The following ZAP70 variants were observed in gnomAD, a reference collection of about 807,000 sequenced individuals.
ZAP70 encodes the protein zeta chain of T cell receptor associated protein kinase 70.
In ZAP70, 27 loss-of-function variants were observed where a neutral mutation model predicts 65.8. The ratio of observed to expected loss-of-function variants is 0.41; its 90% CI spans 0.30 to 0.57. The LOEUF is 0.57. ZAP70 is among the 20% of genes least tolerant of loss of function. The pLI is 0.28. For missense variants in ZAP70, 696 were observed against 870.5 expected (o/e 0.80, Z 2.52); for synonymous variants, 363 against 360.8 (o/e 1.01, Z -0.07).
chr2:97,732,159 G>C (rs1677637213), intron 4 of ZAP70, among the ~76,000 whole-genome samples: 1 of 152,176 alleles, frequency 6.6e-6, no homozygotes, highest in Non-Finnish European at 1.5e-5. Flanking sequence ...TCCCATCATA[G>C]ACATGGAAGA....
At chr2:97,718,276 T>C (rs1677022769) in intron 2 of ZAP70, among the ~76,000 whole-genome samples, 1 of 151,948 alleles carries the variant, frequency 6.6e-6, no homozygotes, top group South Asian at 2.1e-4. Context: ...GGGTCTGGGG[T>C]CACCCCGGGG....
chr2:97,733,227 C>T lies in ZAP70; in HGVS notation c.790+15C>T, dbSNP rs373266022. The stretch of plus-strand genomic sequence containing the variant: ...CAACGCCTCAGGTGACGGCAGCAGG[C>T]GGGCGGGCGGTGGGCGGGGGCGGCA... On this transcript the variant is annotated intron_variant, in intron 6 of 13. Coordinates refer to ENST00000264972, the MANE Select transcript of ZAP70 (RefSeq NM_001079.4). 50 of 1,611,304 alleles carry T rather than the reference C, an allele frequency of 3.1e-5. No individual in the cohort carries two copies. Among genetic ancestry groups the T allele is most frequent in the African/African-American group, 1.3e-4 (10 of 75,018 alleles).
chr2:97,755,786 T>TACA, the ZAP70 span, among the ~76,000 whole-genome samples: 1 of 152,220 alleles, frequency 6.6e-6, no homozygotes, highest in Non-Finnish European at 1.5e-5. Context: ...CCTCTCACCA[T>TACA]ACAACTTCCT....
In ZAP70 at chr2:97,737,925, G is replaced by A. The variant is rs887697939; in HGVS notation, c.1623+28G>A. ...AGGCGCGGGCAGAGGCAGGTGGGCG[G>A]TGTGGTGGGGAGGGGGATGAGGAGG... On this transcript the variant is annotated intron_variant, in intron 12 of 13. Transcript: ENST00000264972. The surrounding 1 kb of genome is among the most constrained non-coding windows in gnomAD (Gnocchi z 5.0). 7.4e-6 allele frequency: 12 copies of A among 1,613,932 alleles called. No homozygotes were observed. Among genetic ancestry groups the A allele is most frequent in the Middle Eastern group, 1.6e-4 (1 of 6,080 alleles).
intron 3 of ZAP70, 149 bp downstream of exon 3, chr2:97,724,587 G>A: frequency 6.5e-7 from 1 of 1,534,198 alleles, no homozygotes; most frequent in Non-Finnish European, 8.7e-7. Context: ...GGTTGGGGAA[G>A]AACCTGAAAG....
chr2:97,736,758 C>T lies in ZAP70; in HGVS notation c.1290-715C>T, dbSNP rs555533882. ...CTGTGCAGAGGCCCTGAGGTGGTCC[C>T]GTGCCTCGTGTGGTGCGGGCAGGGA... On this transcript the variant is annotated intron_variant, in intron 10 of 13. Coordinates refer to ENST00000264972, the MANE Select transcript of ZAP70 (RefSeq NM_001079.4). This position sits in a 1 kb window ranked among gnomAD's most constrained non-coding sequence, Gnocchi z 4.0. 1.3e-5 allele frequency among the ~76,000 whole-genome samples: 2 copies of T among 152,206 alleles called. No individual in the cohort carries two copies. The highest frequency in any genetic ancestry group is 1.9e-4 in the East Asian group (1 of 5,164).
chr2:97,739,262 ACTTTCTGAG>A, intron 13 of ZAP70, 104 bp from the exon 14 acceptor site: 1 of 1,522,638 alleles, frequency 6.6e-7, no homozygotes, highest in Non-Finnish European at 8.9e-7. Context: ...AGCCCTGCTG[ACTTTCTGAG>A]CCCCAAAAGT....
intron 2 of ZAP70, among the ~76,000 whole-genome samples, chr2:97,717,613 TG>T (rs1234197632): frequency 1.3e-5 from 2 of 152,214 alleles, no homozygotes; most frequent in African/African-American, 4.8e-5. Flanking sequence ...GGGCTTCTGA[TG>T]CCCAGGGAAT....
chr2:97,720,242 T>C (rs1201476833), intron 2 of ZAP70, among the ~76,000 whole-genome samples: 5 of 152,106 alleles, frequency 3.3e-5, no homozygotes, highest in Non-Finnish European at 7.3e-5. Flanking sequence ...TTTTGTTTTG[T>C]TTTGAGATGG....
chr2:97,723,815 G>A (rs897994549), intron 2 of ZAP70, among the ~76,000 whole-genome samples: 1 of 152,238 alleles, frequency 6.6e-6, no homozygotes, highest in African/African-American at 2.4e-5. Flanking sequence ...TCAGATGGGG[G>A]TTTGGGACTT....
intron 2 of ZAP70, among the ~76,000 whole-genome samples, chr2:97,721,497 TCTGCCTC>T (rs1232714030): frequency 2.0e-5 from 3 of 151,696 alleles, no homozygotes; most frequent in Non-Finnish European, 4.4e-5. Context: ...CACTGCAAGC[TCTGCCTC>T]CTGGGTTCAT....
At chr2:97,734,909 G>A in intron 9 of ZAP70, 197 bp downstream of exon 9, 1 of 775,042 alleles carries the variant, frequency 1.3e-6, no homozygotes, top group Non-Finnish European at 2.0e-6. Flanking sequence ...ATGGGGCCTG[G>A]GCAGGGGGAG....
the ZAP70 span, among the ~76,000 whole-genome samples, chr2:97,756,085 G>A: frequency 6.6e-6 from 1 of 152,340 alleles, no homozygotes; most frequent in South Asian, 2.1e-4. Context: ...TTTTAGGATA[G>A]TGGCAGAGGG....
chr2:97,724,029 C>T lies in ZAP70; in HGVS notation c.-8C>T. The T allele has an allele frequency of 2.6e-6, 4 of 1,547,618 alleles. No homozygotes were observed. The highest frequency in any genetic ancestry group is 2.4e-5 in the South Asian group (2 of 84,700). On this transcript the variant is annotated 5_prime_UTR_variant, in exon 3 of 14. Transcript: ENST00000264972. ...GTGAACCCGCAGGTTTCGGGAGGCC[C>T]AGGGGCGATGCCAGACCCCGCGGCG...
intron 10 of ZAP70, 141 bp downstream of exon 10, chr2:97,735,597 C>T: frequency 1.0e-6 from 1 of 965,536 alleles, no homozygotes; most frequent in Non-Finnish European, 1.5e-6. Context: ...AGCCTGCACA[C>T]CCACACCCAT....
chr2:97,753,261 G>A, the ZAP70 span, among the ~76,000 whole-genome samples: 1 of 151,996 alleles, frequency 6.6e-6, no homozygotes, highest in Non-Finnish European at 1.5e-5. Flanking sequence ...ACTGTTGATC[G>A]TCATTATAAT....
At chr2:97,741,076 T>TA (rs1236377976), downstream of ZAP70, among the ~76,000 whole-genome samples, 1 of 152,200 alleles carries the variant, frequency 6.6e-6, no homozygotes, top group African/African-American at 2.4e-5. Context: ...TGTGATGGTT[T>TA]AGCTTTTCTA....
chr2:97,724,620 C>G, intron 3 of ZAP70, 182 bp downstream of exon 3: 2 of 1,533,422 alleles, frequency 1.3e-6, no homozygotes, highest in Non-Finnish European at 1.7e-6. Flanking sequence ...GCAGGGGCTC[C>G]GTGGTGGCGG....
chr2:97,743,030 T>G (rs1433007358), downstream of ZAP70, among the ~76,000 whole-genome samples: 1 of 152,228 alleles, frequency 6.6e-6, no homozygotes, highest in Non-Finnish European at 1.5e-5. Context: ...GAAGCCCTGT[T>G]TCTCATCTAG....
Sources: gnomAD v4.1 joint callset for allele counts (sites outside exome capture counted in the v4.1 genomes callset) on GRCh38, gnomAD v4.1.1 for gene constraint, Gnocchi (gnomAD v3.1) non-coding constraint, MANE v1.5 for transcripts, NCBI Gene and HGNC (gene_info 2026-07-23, HGNC 2026-07-21) for gene names.